Variants in DHRS3 observed in about 807,000 individuals in gnomAD.
DHRS3 encodes dehydrogenase/reductase 3.
DHRS3 carries 14 observed loss-of-function variants against 27.2 expected under a neutral mutation model. That is an observed-to-expected ratio of 0.52 (90% confidence interval 0.34 to 0.81). The LOEUF (loss-of-function observed/expected upper bound fraction) is 0.81, where lower values mean the gene tolerates loss of function less well. DHRS3 is among the 30% of genes least tolerant of loss of function. DHRS3 has a pLI of 0.01. For missense variants in DHRS3, 322 were observed against 406.2 expected, an observed-to-expected ratio of 0.79 and a Z score of 1.78; for synonymous variants, 165 against 175.9, an observed-to-expected ratio of 0.94 and a Z score of 0.49.
intron 1 of DHRS3, among the ~76,000 whole-genome samples, chr1:12,590,473 G>A (rs1176825318): frequency 6.6e-6 from 1 of 151,954 alleles, no homozygotes; most frequent in Non-Finnish European, 1.5e-5. Flanking sequence ...ACCACGCCCG[G>A]CTAATTTTGT....
chr1:12,606,677 A>G (rs1302557966), intron 1 of DHRS3, among the ~76,000 whole-genome samples: 1 of 150,304 alleles, frequency 6.7e-6, no homozygotes, highest in East Asian at 1.9e-4. Context: ...TTGTATTTTT[A>G]GTAGAGATGG....
intron 1 of DHRS3, among the ~76,000 whole-genome samples, chr1:12,581,677 C>T (rs953576160): frequency 9.9e-5 from 15 of 152,146 alleles, no homozygotes; most frequent in African/African-American, 2.9e-4. Flanking sequence ...TAACGGAGGA[C>T]GACGCACCTC....
intron 5 of DHRS3, among the ~76,000 whole-genome samples, chr1:12,572,158 C>T (rs1361376475): frequency 6.6e-6 from 1 of 152,046 alleles, no homozygotes; most frequent in Non-Finnish European, 1.5e-5. Flanking sequence ...CAACTTACAA[C>T]ATTTTTCTGG....
intron 4 of DHRS3, among the ~76,000 whole-genome samples, chr1:12,575,305 C>T (rs906352944): frequency 4.0e-5 from 6 of 148,474 alleles, no homozygotes; most frequent in South Asian, 2.1e-4. Flanking sequence ...CTAGCCTGGG[C>T]GACAGAGCAA....
intron 1 of DHRS3, among the ~76,000 whole-genome samples, chr1:12,585,793 G>A (rs924966675): frequency 1.3e-5 from 2 of 152,226 alleles, no homozygotes; most frequent in African/African-American, 4.8e-5. Context: ...AGGCCATCAT[G>A]AGCATGAGGA....
At chr1:12,570,824 G>A (rs950055697) in intron 5 of DHRS3, among the ~76,000 whole-genome samples, 3 of 152,204 alleles carry the variant, frequency 2.0e-5, no homozygotes, top group Non-Finnish European at 4.4e-5. Context: ...GAGGGAGGCC[G>A]AGGTGTGGCC....
intron 1 of DHRS3, among the ~76,000 whole-genome samples, chr1:12,609,195 A>G (rs143381971): frequency 8.5e-4 from 129 of 152,268 alleles, no homozygotes; most frequent in African/African-American, 3.0e-3. Flanking sequence ...CTCCAAGAAC[A>G]CTAAGTGTCA....
chr1:12,616,373 A>G (rs967601814), intron 1 of DHRS3, among the ~76,000 whole-genome samples: 2 of 152,106 alleles, frequency 1.3e-5, no homozygotes, highest in Non-Finnish European at 2.9e-5. Flanking sequence ...CTCTGGCACC[A>G]GGTCTCCAAA....
At chr1:12,617,020 C>T in intron 1 of DHRS3, 134 bp downstream of exon 1, 1 of 1,116,136 alleles carries the variant, frequency 9.0e-7, no homozygotes, top group Non-Finnish European at 1.2e-6. Context: ...ACTAGCTCAG[C>T]ACTCGTGGGT....
Position 12,617,512 on chromosome 1 carries a change from G to GAAA in DHRS3, c.-165_-164insTTT. ...TCTTCCCAAATGCAAAGCACCGGGT[G>GAAA]AGAAAAAGAAAAAAAAAAAAAAAAA... On this transcript the variant is annotated 5_prime_UTR_variant, in exon 1 of 6. Coordinates refer to ENST00000616661, the MANE Select transcript of DHRS3 (RefSeq NM_004753.7). The GAAA allele has an allele frequency of 4.7e-6, 1 of 211,430 alleles. No homozygotes were observed. The highest frequency in any genetic ancestry group is 8.2e-6 in the Non-Finnish European group (1 of 122,092). 13.1% of individuals were successfully genotyped at this position (211,430 alleles called of 1,614,324 possible). A position where few individuals can be genotyped will look rare whatever the true frequency, so the allele number is the denominator to read the frequency against.
At chr1:12,613,433 C>T (rs1646923441) in intron 1 of DHRS3, among the ~76,000 whole-genome samples, 1 of 152,206 alleles carries the variant, frequency 6.6e-6, no homozygotes, top group South Asian at 2.1e-4. Flanking sequence ...CATTTTCTTA[C>T]AGGCCCAGAG....
intron 1 of DHRS3, among the ~76,000 whole-genome samples, chr1:12,590,601 T>C (rs1181284895): frequency 2.0e-5 from 3 of 152,034 alleles, no homozygotes; most frequent in Non-Finnish European, 2.9e-5. Context: ...TGAGCCACCG[T>C]GCCCGACCTA....
In DHRS3 at chr1:12,594,642, G is replaced by A. The variant is rs1646773374; in HGVS notation, c.196-13976C>T. 6.6e-6 allele frequency among the ~76,000 whole-genome samples: 1 copy of A among 152,106 alleles called. No individual in the cohort carries two copies. The highest frequency in any genetic ancestry group is 2.4e-5 in the African/African-American group (1 of 41,396). Reference sequence around the variant, plus strand: ...GAAGGAGGGAGCGATACAGACGCGTGGAGGAAGAGCATCCCTGGTGGAGGG... The same window carrying A: ...GAAGGAGGGAGCGATACAGACGCGTAGAGGAAGAGCATCCCTGGTGGAGGG... On this transcript the variant is annotated intron_variant, in intron 1 of 5. Transcript: ENST00000616661. This position sits in a 1 kb window ranked among gnomAD's most constrained non-coding sequence, Gnocchi z 4.1.
intron 5 of DHRS3, among the ~76,000 whole-genome samples, chr1:12,569,111 G>A (rs4506461): frequency 0.21 from 31,237 of 151,778 alleles, 3,615 homozygotes; most frequent in East Asian, 0.44. Flanking sequence ...CCAGCTACTC[G>A]GGAGACTGAG....
intron 2 of DHRS3, 118 bp downstream of exon 2, chr1:12,580,405 G>T (rs755672164): frequency 6.8e-7 from 1 of 1,466,416 alleles, no homozygotes; most frequent in Non-Finnish European, 9.4e-7. Flanking sequence ...AAGGTGCCCC[G>T]GGCAAAGCCA....
rs761954565 is a variant in DHRS3 at position 12,572,744 on chromosome 1, G to A, written c.808C>T (p.Leu270Phe). 1.1e-5 allele frequency: 17 copies of A among 1,607,310 alleles called. No individual in the cohort carries two copies. In the Admixed American group the frequency reaches 2.5e-4, roughly 24 times the overall value. ...LLLLPWTMHALVILKSILPQA... is the reference protein window; with the variant it reads ...LLLLPWTMHAFVILKSILPQA... ...GCCCCATACCTTTTCAAGATAACGA[G>A]GGCATGCATTGTCCATGGGAGGAGG... The change falls in exon 5 of 6, where the codon CTC (leucine) becomes TTC (phenylalanine). Residue 270 changes from leucine to phenylalanine, a missense_variant. Physicochemically the swap from Leu to Phe is conservative, Grantham distance 22. Transcript: ENST00000616661.
chr1:12,596,543 C>A (rs1372812954), intron 1 of DHRS3, among the ~76,000 whole-genome samples: 4 of 151,950 alleles, frequency 2.6e-5, no homozygotes, highest in African/African-American at 9.7e-5. Context: ...CTGTTTATCC[C>A]GCGGAGCTCC....
At chr1:12,579,125 C>T (rs1261201626) in intron 3 of DHRS3, 168 bp downstream of exon 3, 1 of 1,333,308 alleles carries the variant, frequency 7.5e-7, no homozygotes, top group Admixed American at 2.0e-5. Flanking sequence ...GAGCATATTT[C>T]ACAAAGTCTG....
Position 12,594,528 on chromosome 1 carries a change from G to T in DHRS3, c.196-13862C>A, listed in dbSNP as rs1321540558. ...GTAGGGGGTTGGAGGGAGTGATTATGGGGTGGGAGTGGTATTCAGATGGTG... is the reference window on the plus strand; with the variant it reads ...GTAGGGGGTTGGAGGGAGTGATTATTGGGTGGGAGTGGTATTCAGATGGTG... On this transcript the variant is annotated intron_variant, in intron 1 of 5. Transcript: ENST00000616661. The surrounding 1 kb of genome is among the most constrained non-coding windows in gnomAD (Gnocchi z 4.1). 6.6e-6 allele frequency among the ~76,000 whole-genome samples: 1 copy of T among 152,152 alleles called. No homozygotes were observed. Among genetic ancestry groups the T allele is most frequent in the South Asian group, 2.1e-4 (1 of 4,828 alleles).
Sources: allele counts gnomAD v4.1 joint callset (sites outside exome capture counted in the v4.1 genomes callset), GRCh38; gene constraint gnomAD v4.1.1; non-coding constraint Gnocchi (gnomAD v3.1); transcripts MANE v1.5; gene names NCBI Gene and HGNC (gene_info 2026-07-23, HGNC 2026-07-21).